The following RSPH14 variants were observed in gnomAD, a reference collection of about 807,000 sequenced individuals.
RSPH14 encodes the protein rhabdoid tumor deletion region gene 1.
In RSPH14, 20 loss-of-function variants were observed where a neutral mutation model predicts 26.7. That is an observed-to-expected ratio of 0.75 (90% CI 0.53 to 1.09). The LOEUF is 1.09. RSPH14 is among the 50% of genes least tolerant of loss of function. RSPH14 has a pLI of 0.00. For missense variants in RSPH14, 449 were observed against 457.2 expected (o/e 0.98, Z 0.16); for synonymous variants, 177 against 189.3 (o/e 0.93, Z 0.53).
chr22:23,145,518 CCG>C (rs754106911), upstream of RSPH14: 1 of 1,604,320 alleles, frequency 6.2e-7, no homozygotes, highest in South Asian at 1.1e-5. Context: ...GCGGACCAGG[CCG>C]CGCGGAGCCC....
intron 3 of RSPH14, 87 bp downstream of exon 3, chr22:23,138,753 A>T: frequency 9.2e-7 from 1 of 1,084,718 alleles, no homozygotes; most frequent in Non-Finnish European, 1.3e-6. Flanking sequence ...ACAACACTCC[A>T]GAGCACTCTA....
upstream of RSPH14, chr22:23,145,230 C>T (rs2146467451): frequency 1.2e-6 from 1 of 868,504 alleles, no homozygotes; most frequent in Non-Finnish European, 1.8e-6. Context: ...GCTCCGCCCC[C>T]GGGCCTCCAT....
chr22:23,168,506 A>ACACAGACACCTGCCGCTTCAGG, the RSPH14 span, among the ~76,000 whole-genome samples: 1 of 152,114 alleles, frequency 6.6e-6, no homozygotes, highest in African/African-American at 2.4e-5. Context: ...CCACACACAC[A>ACACAGACACCTGCCGCTTCAGG]CACAGACACC....
rs555128258 is a variant in RSPH14 at position 23,076,336 on chromosome 22, G to T, written c.422-12203C>A. Among the ~76,000 whole-genome samples the T allele has an allele frequency of 2.6e-5, 4 of 152,328 alleles. No individual in the cohort carries two copies. The South Asian group carries it at 8.3e-4, about 32-fold the overall frequency. ...TCACCATTGAGAATCGCCACCCAGG[G>T]AGTCGCTGTGGAGGGACTGAATATT... is the stretch of plus-strand genomic sequence containing the variant. On this transcript the variant is annotated intron_variant, in intron 4 of 6. Transcript: ENST00000216036.
chr22:23,083,067 G>T (rs530349522), intron 4 of RSPH14, among the ~76,000 whole-genome samples: 1 of 152,222 alleles, frequency 6.6e-6, no homozygotes, highest in South Asian at 2.1e-4. Context: ...GGAGGAGGGT[G>T]GGCAGGAGAA....
chr22:23,178,244 G>A, the RSPH14 span, among the ~76,000 whole-genome samples: 33 of 152,224 alleles, frequency 2.2e-4, no homozygotes, highest in Admixed American at 1.1e-3. Flanking sequence ...GTGAAACCCC[G>A]TCTCTACTAA....
the RSPH14 span, chr22:23,155,844 GAAGCCCATGCAGC>G: frequency 3.7e-6 from 3 of 809,762 alleles, no homozygotes; most frequent in Non-Finnish European, 5.6e-6. Context: ...GGCACTTCCT[GAAGCCCATGCAGC>G]TGGCACAGGC....
the RSPH14 span, among the ~76,000 whole-genome samples, chr22:23,174,220 GGT>G: frequency 4.6e-5 from 7 of 151,616 alleles, no homozygotes; most frequent in Non-Finnish European, 7.4e-5. Context: ...GGTGTGTGAC[GGT>G]GTGTGTGTGT....
upstream of RSPH14, chr22:23,145,697 C>G: frequency 9.5e-7 from 1 of 1,055,128 alleles, no homozygotes; most frequent in Non-Finnish European, 1.3e-6. Context: ...CCGGGGCGTC[C>G]TCATTTCCGG....
chr22:23,105,880 G>C (rs537572696), intron 4 of RSPH14, among the ~76,000 whole-genome samples: 1 of 152,352 alleles, frequency 6.6e-6, no homozygotes, highest in African/African-American at 2.4e-5. Context: ...GAAGAGGCCA[G>C]TCCTCCCAGT....
the RSPH14 span, chr22:23,179,833 G>GT: frequency 4.7e-6 from 1 of 212,728 alleles, no homozygotes; most frequent in Admixed American, 5.8e-5. Flanking sequence ...TGGCCTCTCT[G>GT]TGAGTTGGGC....
At chr22:23,138,768 GC>G (rs1490357787) in intron 3 of RSPH14, 71 bp downstream of exon 3, 1 of 1,275,820 alleles carries the variant, frequency 7.8e-7, no homozygotes, top group African/African-American at 1.5e-5. Context: ...ACTCTAAGCA[GC>G]TCAAGTGCAT....
chr22:23,172,746 C>T, the RSPH14 span, among the ~76,000 whole-genome samples: 5 of 150,770 alleles, frequency 3.3e-5, no homozygotes, highest in Non-Finnish European at 5.9e-5. Context: ...GTCAGGAGAT[C>T]GAGACCATCC....
the RSPH14 span, among the ~76,000 whole-genome samples, chr22:23,174,495 C>T: frequency 6.6e-6 from 1 of 152,186 alleles, no homozygotes; most frequent in Non-Finnish European, 1.5e-5. Context: ...ACCAAAAACC[C>T]CACTTCTCTG....
intron 4 of RSPH14, among the ~76,000 whole-genome samples, chr22:23,066,806 C>T (rs2068222461): frequency 6.6e-6 from 1 of 152,090 alleles, no homozygotes; most frequent in Admixed American, 6.5e-5. Context: ...AGAGAATCAG[C>T]CAGATGGGGT....
chr22:23,167,701 T>A, the RSPH14 span, among the ~76,000 whole-genome samples: 14 of 151,028 alleles, frequency 9.3e-5, no homozygotes, highest in South Asian at 2.1e-4. Flanking sequence ...ACTCTTTTTT[T>A]AATTAATTTA....
intron 4 of RSPH14, among the ~76,000 whole-genome samples, chr22:23,127,944 C>T (rs1200472715): frequency 1.3e-5 from 2 of 152,116 alleles, no homozygotes; most frequent in African/African-American, 4.8e-5. Flanking sequence ...CTGGTGCTCT[C>T]CTCCGGGCTG....
rs140044088 is a variant in RSPH14 at position 23,102,101 on chromosome 22, C to T, written c.421+31925G>A. 1.1e-3 allele frequency among the ~76,000 whole-genome samples: 165 copies of T among 152,370 alleles called. 1 individual carries two copies. The highest frequency in any genetic ancestry group is 3.8e-3 in the African/African-American group (157 of 41,600). On this transcript the variant is annotated intron_variant, in intron 4 of 6. Coordinates refer to ENST00000216036, the MANE Select transcript of RSPH14 (RefSeq NM_014433.3). ...CACTTGTGAACAGCCCCTGCCATCC[C>T]TTCAGCACCGGCTCCCCGCATCCAA...
At chr22:23,075,721 C>T (rs747649245) in intron 4 of RSPH14, among the ~76,000 whole-genome samples, 19 of 152,160 alleles carry the variant, frequency 1.2e-4, no homozygotes, top group Non-Finnish European at 1.9e-4. Flanking sequence ...AAACACACCC[C>T]GTCCCCGAGG....
Sources: allele counts gnomAD v4.1 joint callset (sites outside exome capture counted in the v4.1 genomes callset), GRCh38; gene constraint gnomAD v4.1.1; transcripts MANE v1.5; gene names NCBI Gene and HGNC (gene_info 2026-07-23, HGNC 2026-07-21).